Variants in RIMBP2 observed in about 807,000 individuals in gnomAD.
The protein encoded by RIMBP2 is RIMS-binding protein 2.
In RIMBP2, 48 loss-of-function variants were observed where a neutral mutation model predicts 118.6. The observed-to-expected ratio is 0.40, with a 90% CI of 0.32 to 0.51. The LOEUF is 0.51. Among genes scored for constraint, RIMBP2 ranks in the 20% least tolerant of loss-of-function variants. RIMBP2 has a pLI of 0.41. For missense variants in RIMBP2, 1,551 were observed against 1,768.3 expected (o/e 0.88, Z 2.20); for synonymous variants, 762 against 742.9 (o/e 1.03, Z -0.42).
intron 12 of RIMBP2, among the ~76,000 whole-genome samples, 199 bp downstream of exon 12, chr12:130,438,166 G>A (rs1037395270): frequency 6.6e-6 from 1 of 152,194 alleles, no homozygotes. Flanking sequence ...GGATGAGTGA[G>A]GGGAGCGAGA....
intron 14 of RIMBP2, chr12:130,432,202 T>A (rs1045822557): frequency 1.8e-5 from 8 of 456,256 alleles, no homozygotes; most frequent in African/African-American, 1.4e-4. Context: ...ACGTGGCACA[T>A]GGGGAAAGGC....
intron 1 of RIMBP2, among the ~76,000 whole-genome samples, chr12:130,646,866 T>C (rs1299353684): frequency 6.6e-6 from 1 of 152,212 alleles, no homozygotes; most frequent in Admixed American, 6.5e-5. Flanking sequence ...ACAGGCGCCA[T>C]GGGCATGACA....
intron 2 of RIMBP2, among the ~76,000 whole-genome samples, chr12:130,541,130 T>C (rs1382861938): frequency 2.0e-5 from 3 of 152,144 alleles, no homozygotes; most frequent in Admixed American, 6.5e-5. Context: ...TTCACACTCA[T>C]CATTAAAATC....
At chr12:130,594,349 A>T (rs1306943883) in intron 2 of RIMBP2, among the ~76,000 whole-genome samples, 1 of 152,230 alleles carries the variant, frequency 6.6e-6, no homozygotes, top group Admixed American at 6.5e-5. Context: ...GTGGATTATG[A>T]CCAGTATTTT....
intron 12 of RIMBP2, 46 bp downstream of exon 12, chr12:130,438,319 C>T (rs749650298): frequency 2.5e-5 from 40 of 1,598,966 alleles, no homozygotes; most frequent in African/African-American, 2.3e-4. Context: ...GTCCCTGCTG[C>T]GTTAGGGCCT....
chr12:130,589,952 C>T (rs930156077), intron 2 of RIMBP2, among the ~76,000 whole-genome samples: 2 of 152,146 alleles, frequency 1.3e-5, no homozygotes, highest in Non-Finnish European at 1.5e-5. Flanking sequence ...GGCACTGGCA[C>T]GGCCCCCTCG....
At chr12:130,695,521 C>A (rs116642761) in intron 1 of RIMBP2, among the ~76,000 whole-genome samples, 1 of 152,152 alleles carries the variant, frequency 6.6e-6, no homozygotes, top group Non-Finnish European at 1.5e-5. Context: ...GTGGGAGGTT[C>A]GCTCGAGTCC....
chr12:130,454,436 G>A (rs2079246509), intron 7 of RIMBP2, among the ~76,000 whole-genome samples: 2 of 152,244 alleles, frequency 1.3e-5, no homozygotes, highest in African/African-American at 2.4e-5. Context: ...GGGTGCTGTG[G>A]GGCAGCTCTC....
intron 4 of RIMBP2, among the ~76,000 whole-genome samples, chr12:130,505,715 A>C (rs996516848): frequency 7.4e-3 from 16 of 2,174 alleles, no homozygotes; most frequent in South Asian, 0.042. Flanking sequence ...TCCCCCACCC[A>C]CTCCGCTCCC....
In RIMBP2 at chr12:130,581,987, A is replaced by G. The variant is rs1300482460; in HGVS notation, c.-217+46335T>C. On this transcript the variant is annotated intron_variant, in intron 2 of 22. Coordinates refer to ENST00000690449, the MANE Select transcript of RIMBP2 (RefSeq NM_001393629.1). This position sits in a 1 kb window ranked among gnomAD's most constrained non-coding sequence, Gnocchi z 4.4. Reference sequence around the variant, plus strand: ...CACCACCACCACCACCGACCTCAGGACCTTTGCACCTGCTGCTCCCTCTGC... The same window carrying G: ...CACCACCACCACCACCGACCTCAGGGCCTTTGCACCTGCTGCTCCCTCTGC... Among the ~76,000 whole-genome samples the G allele has an allele frequency of 6.6e-6, 1 of 151,856 alleles. No individual in the cohort carries two copies. Among genetic ancestry groups the G allele is most frequent in the Non-Finnish European group, 1.5e-5 (1 of 67,954 alleles).
intron 1 of RIMBP2, among the ~76,000 whole-genome samples, chr12:130,631,741 A>G (rs918886469): frequency 6.6e-6 from 1 of 152,198 alleles, no homozygotes; most frequent in Non-Finnish European, 1.5e-5. Flanking sequence ...CTTCAAGAAG[A>G]AACCACTAAA....
At chr12:130,456,304 C>A (rs2079427225) in intron 7 of RIMBP2, among the ~76,000 whole-genome samples, 192 bp downstream of exon 7, 1 of 152,124 alleles carries the variant, frequency 6.6e-6, no homozygotes, top group African/African-American at 2.4e-5. Context: ...TTGTGGATGC[C>A]CGTGAGGTGC....
rs372946183 is a variant in RIMBP2 at position 130,523,505 on chromosome 12, C to T, written c.-216-5588G>A. Among the ~76,000 whole-genome samples the T allele has an allele frequency of 6.6e-6, 1 of 152,176 alleles. No homozygotes were observed. Among genetic ancestry groups the T allele is most frequent in the Non-Finnish European group, 1.5e-5 (1 of 68,038 alleles). ...TGTCTCCCGAGGCAGCTCAAGGGCT[C>T]GTCAAGGAAGAAACTGGGTCTTCTG... On this transcript the variant is annotated intron_variant, in intron 2 of 22. Transcript: ENST00000690449. This position sits in a 1 kb window ranked among gnomAD's most constrained non-coding sequence, Gnocchi z 4.4.
At chr12:130,518,761 A>C (rs1448259101) in intron 2 of RIMBP2, among the ~76,000 whole-genome samples, 1 of 152,226 alleles carries the variant, frequency 6.6e-6, no homozygotes, top group Non-Finnish European at 1.5e-5. Context: ...TAAGACAGGG[A>C]GAGTGAGCAC....
rs147517687 is a variant in RIMBP2 at position 130,437,153 on chromosome 12, G to T, written c.1795C>A (p.Pro599Thr). 8.2e-6 allele frequency: 13 copies of T among 1,585,572 alleles called. No individual in the cohort carries two copies. The South Asian group carries it at 1.1e-4, about 14-fold the overall frequency. ...ESVDSAVAAV[P>T]PELLVPPTPH... ...GTAGGAGGCACCAGGAGCTCGGGGG[G>T]AACGGCAGCAACTGCAGAGTCCACG... is the stretch of plus-strand genomic sequence containing the variant. Residue 599 changes from proline (P) to threonine (T), a missense_variant, in exon 13 of 23, where the codon CCC becomes ACC. Physicochemically the swap from Pro to Thr is conservative, Grantham distance 38. Coordinates refer to ENST00000690449, the MANE Select transcript of RIMBP2 (RefSeq NM_001393629.1).
chr12:130,442,653 G>A lies in RIMBP2; in HGVS notation c.699C>T (p.Leu233=), dbSNP rs2078224993. The change falls in exon 11 of 23, where the codon CTC becomes CTT. Residue 233 remains leucine (L), a synonymous_variant. Coordinates refer to ENST00000690449, the MANE Select transcript of RIMBP2 (RefSeq NM_001393629.1). This position sits in a 1 kb window ranked among gnomAD's most constrained non-coding sequence, Gnocchi z 6.9. ...MDEDGFYEGE[L]LDGQRGLVPS... ...GCACCAGACCCCTCTGGCCATCGAG[G>A]AGCTCTCCTGTTGGGTACAAGGACA... The A allele has an allele frequency of 3.1e-6, 5 of 1,613,406 alleles. No individual in the cohort carries two copies. In the East Asian group the frequency reaches 1.1e-4, roughly 36 times the overall value.
chr12:130,636,278 TTTCC>T (rs2062342685), intron 1 of RIMBP2, among the ~76,000 whole-genome samples: 1 of 152,194 alleles, frequency 6.6e-6, no homozygotes, highest in African/African-American at 2.4e-5. Flanking sequence ...TCATGTCATC[TTTCC>T]TCCCTACTGG....
At position 130,568,887 on chromosome 12, in the gene RIMBP2, G is replaced by GA. The variant is rs781644943; in HGVS notation, c.-216-50971dup. Among the ~76,000 whole-genome samples the GA allele has an allele frequency of 2.6e-5, 4 of 151,982 alleles. No individual in the cohort carries two copies. The South Asian group carries it at 6.2e-4, about 24-fold the overall frequency. On this transcript the variant is annotated intron_variant, in intron 2 of 22. Coordinates refer to ENST00000690449, the MANE Select transcript of RIMBP2 (RefSeq NM_001393629.1). ...CTGGATCCCAGGGCATTATCCAATG[G>GA]AAAAAAACCCGAATTCCTAGAGTTG...
At chr12:130,590,326 C>A (rs2059176055) in intron 2 of RIMBP2, among the ~76,000 whole-genome samples, 1 of 152,160 alleles carries the variant, frequency 6.6e-6, no homozygotes, top group Non-Finnish European at 1.5e-5. Flanking sequence ...CCTAATCAAC[C>A]TCATCTCCCC....
Sources: allele counts gnomAD v4.1 joint callset (sites outside exome capture counted in the v4.1 genomes callset), GRCh38; gene constraint gnomAD v4.1.1; non-coding constraint Gnocchi (gnomAD v3.1); transcripts MANE v1.5; gene names NCBI Gene and HGNC (gene_info 2026-07-23, HGNC 2026-07-21).